Variants in MEF2C observed in about 807,000 individuals in gnomAD.
MEF2C encodes the protein myocyte enhancer factor 2C, also known as myocyte-specific enhancer factor 2C.
A neutral mutation model predicts 50.5 loss-of-function variants in MEF2C; 6 were observed. That is an observed-to-expected ratio of 0.12 (90% CI 0.07 to 0.23). The LOEUF is 0.23. MEF2C is among the 10% of genes least tolerant of loss of function. The pLI is 1.00. For synonymous variants in MEF2C, 183 were observed against 228.0 expected (o/e 0.80, Z 1.78); for missense variants, 276 against 605.0 (o/e 0.46, Z 5.70).
chr5:88,840,328 A>T (rs898213283), intron 1 of MEF2C, among the ~76,000 whole-genome samples: 2 of 152,114 alleles, frequency 1.3e-5, no homozygotes, highest in African/African-American at 4.8e-5. Flanking sequence ...ATACACTTCA[A>T]TATTGTGTAT....
intron 4 of MEF2C, among the ~76,000 whole-genome samples, chr5:88,758,350 C>A (rs1776310885): frequency 6.6e-6 from 1 of 152,100 alleles, no homozygotes. Context: ...GAGGTGTTTT[C>A]TCTTGCTGTG....
intron 3 of MEF2C, among the ~76,000 whole-genome samples, chr5:88,798,417 C>T (rs1042072277): frequency 5.3e-5 from 8 of 151,616 alleles, no homozygotes; most frequent in East Asian, 1.9e-4. Flanking sequence ...TCCTTTCTTC[C>T]GCTTGATCGA....
intron 4 of MEF2C, among the ~76,000 whole-genome samples, chr5:88,756,482 A>G (rs1775369653): frequency 6.6e-6 from 1 of 152,240 alleles, no homozygotes; most frequent in Non-Finnish European, 1.5e-5. Flanking sequence ...CTTAAAAATG[A>G]GCACACTGAG....
intron 3 of MEF2C, among the ~76,000 whole-genome samples, chr5:88,773,956 G>T (rs1041045836): frequency 6.6e-6 from 1 of 152,214 alleles, no homozygotes; most frequent in Non-Finnish European, 1.5e-5. Flanking sequence ...GGCAGTGAAA[G>T]GTATAATGGG....
At chr5:88,777,903 T>TC (rs1195250672) in intron 3 of MEF2C, among the ~76,000 whole-genome samples, 21 of 132,646 alleles carry the variant, frequency 1.6e-4, no homozygotes, top group South Asian at 7.7e-4. Context: ...TCTTTTCTTT[T>TC]TTTTTTTTTT....
intron 3 of MEF2C, among the ~76,000 whole-genome samples, chr5:88,798,694 T>C (rs754808162): frequency 6.6e-6 from 1 of 151,900 alleles, no homozygotes; most frequent in Non-Finnish European, 1.5e-5. Flanking sequence ...TGGAGAGGAG[T>C]TGTGATCCTT....
intron 6 of MEF2C, chr5:88,735,354 C>G: frequency 1.0e-6 from 1 of 985,282 alleles, no homozygotes; most frequent in Non-Finnish European, 1.2e-6. Context: ...TTTTTTCATG[C>G]TATGTTTTAA....
At chr5:88,808,183 A>G (rs1297725270) in intron 2 of MEF2C, among the ~76,000 whole-genome samples, 1 of 152,216 alleles carries the variant, frequency 6.6e-6, no homozygotes, top group Non-Finnish European at 1.5e-5. Context: ...TATTTCTTTT[A>G]GATCCAATTT....
rs748682928 is a variant in MEF2C, at chr5:88,773,247, C to T, written c.259-11919G>A. On this transcript the variant is annotated intron_variant, in intron 3 of 10. Transcript: ENST00000504921. ...ATAATGGAATTCAAGGCTGTAGCAA[C>T]AGAAGTTCTTATTTAAAATGGAATT... is the stretch of plus-strand genomic sequence containing the variant. Among the ~76,000 whole-genome samples the T allele has an allele frequency of 5.9e-5, 9 of 152,186 alleles. No homozygotes were observed. The East Asian group carries it at 1.3e-3, about 23-fold the overall frequency.
chr5:88,800,737 A>G (rs1214850659), intron 3 of MEF2C, among the ~76,000 whole-genome samples: 2 of 152,224 alleles, frequency 1.3e-5, no homozygotes, highest in African/African-American at 4.8e-5. Flanking sequence ...TTGGGTAAAT[A>G]TCCCAGTATA....
chr5:88,830,218 C>A (rs546832721), intron 1 of MEF2C, among the ~76,000 whole-genome samples: 1 of 152,080 alleles, frequency 6.6e-6, no homozygotes, highest in Admixed American at 6.6e-5. Flanking sequence ...TAGGGAAATA[C>A]ATCAATTTTC....
rs576646943 is a variant in MEF2C, at chr5:88,807,335, C to T, written c.55-2534G>A. ...ACTTTCCAGGGTCAAACCATCCTCC[C>T]GCCTCAACCTCCGGAGTAGCTGGTA... is the stretch of plus-strand genomic sequence containing the variant. On this transcript the variant is annotated intron_variant, in intron 2 of 10. Transcript: ENST00000504921. 2.4e-4 allele frequency among the ~76,000 whole-genome samples: 36 copies of T among 152,228 alleles called. No homozygotes were observed. The South Asian group carries it at 6.4e-3, about 27-fold the overall frequency.
chr5:88,827,028 C>T (rs1811181987), intron 1 of MEF2C: 1 of 151,586 alleles, frequency 6.6e-6, no homozygotes, highest in South Asian at 2.1e-4. Context: ...TAAAATGAGG[C>T]TGCTTACTAA....
upstream of MEF2C, chr5:88,884,290 C>G (rs1833768134): frequency 6.6e-6 from 1 of 152,232 alleles, no homozygotes; most frequent in African/African-American, 2.4e-5. Flanking sequence ...TTAGCCACTT[C>G]TCTCTTCCAC....
At position 88,721,134 on chromosome 5, in the gene MEF2C, T is replaced by A. The variant is rs1162307823; in HGVS notation, c.*1470A>T. ...TTTCTAGGGCCATATTTGCAGGACA[T>A]GTGCCCCAACATAGCTTTTCTATTC... On this transcript the variant is annotated 3_prime_UTR_variant, in exon 11 of 11. Transcript: ENST00000504921. The A allele has an allele frequency of 6.6e-6, 1 of 152,618 alleles. No homozygotes were observed. The highest frequency in any genetic ancestry group is 1.5e-5 in the Non-Finnish European group (1 of 68,028). 9.5% of individuals were successfully genotyped at this position (152,618 alleles called of 1,614,324 possible).
intron 1 of MEF2C, chr5:88,892,180 T>C (rs1834657195): frequency 6.6e-6 from 1 of 152,166 alleles, no homozygotes; most frequent in South Asian, 2.1e-4. Context: ...CTTGTAGACA[T>C]GGAAGAAGGC....
At chr5:88,790,987 G>C (rs1793490856) in intron 3 of MEF2C, among the ~76,000 whole-genome samples, 1 of 152,140 alleles carries the variant, frequency 6.6e-6, no homozygotes, top group South Asian at 2.1e-4. Context: ...TCTGCTTCTA[G>C]GCAAGCCTCA....
intron 3 of MEF2C, among the ~76,000 whole-genome samples, chr5:88,796,523 CTCTT>C (rs1796101109): frequency 1.3e-5 from 2 of 152,054 alleles, no homozygotes; most frequent in Admixed American, 1.3e-4. Context: ...ATTCTTCTCT[CTCTT>C]CTTTTTTATT....
chr5:88,743,308 C>A (rs541312687), intron 6 of MEF2C: 1 of 985,016 alleles, frequency 1.0e-6, no homozygotes, highest in African/African-American at 1.7e-5. Context: ...AATTTTTAAC[C>A]ACTTCACTGA....
Sources: gnomAD v4.1 joint callset for allele counts (sites outside exome capture counted in the v4.1 genomes callset) on GRCh38, gnomAD v4.1.1 for gene constraint, MANE v1.5 for transcripts, NCBI Gene and HGNC (gene_info 2026-07-23, HGNC 2026-07-21) for gene names.